Variants in LGALS3BP observed in about 807,000 individuals in gnomAD.
The protein encoded by LGALS3BP is galectin-3-binding protein.
A neutral mutation model predicts 22.9 loss-of-function variants in LGALS3BP; 25 were observed. That is an observed-to-expected ratio of 1.09 (90% CI 0.80 to 1.53). The LOEUF (loss-of-function observed/expected upper bound fraction) is 1.53. Ranked by LOEUF, LGALS3BP falls within the 40% of genes most tolerant of loss-of-function variation. The pLI is 0.00. For synonymous variants in LGALS3BP, 335 were observed against 331.1 expected (o/e 1.01, Z -0.13); for missense variants, 718 against 752.0 (o/e 0.95, Z 0.53).
chr17:78,977,383 G>T, intron 1 of LGALS3BP, 169 bp from the exon 2 acceptor site: 2 of 604,348 alleles, frequency 3.3e-6, no homozygotes, highest in Non-Finnish European at 5.8e-6. Context: ...TGCTGTGGAT[G>T]CCCCCGCGGG....
intron 2 of LGALS3BP, 106 bp downstream of exon 2, chr17:78,977,034 G>A (rs1248510946): frequency 3.4e-6 from 4 of 1,184,644 alleles, no homozygotes; most frequent in Non-Finnish European, 5.0e-6. Flanking sequence ...GCTAACCGCT[G>A]GGCCCCGGGC....
chr17:78,977,023 G>A (rs1199974687), intron 2 of LGALS3BP, 117 bp downstream of exon 2: 2 of 1,038,276 alleles, frequency 1.9e-6, no homozygotes, highest in South Asian at 1.3e-5. Flanking sequence ...GAGAAGATCT[G>A]GCTAACCGCT....
rs1282981832 is a variant in LGALS3BP at position 78,976,280 on chromosome 17, C to T, written c.53-124G>A. On this transcript the variant is annotated intron_variant, in intron 2 of 5. Transcript: ENST00000262776. The surrounding 1 kb of genome is among the most constrained non-coding windows in gnomAD (Gnocchi z 4.6). ...TTGTATTTCAGGGCTTCAAGGTCCC[C>T]TGGCCTCTCCATGAGGGGCACCTCC... 1.3e-5 allele frequency: 11 copies of T among 832,524 alleles called. No homozygotes were observed. The highest frequency in any genetic ancestry group is 2.0e-5 in the Non-Finnish European group (11 of 555,592). The allele number at this position is 832,524 out of a possible 1,614,324, so 51.6% of individuals were successfully genotyped here.
chr17:78,977,371 T>A, intron 1 of LGALS3BP, 157 bp from the exon 2 acceptor site: 1 of 624,716 alleles, frequency 1.6e-6, no homozygotes, highest in Non-Finnish European at 2.8e-6. Flanking sequence ...AAGTGTGACG[T>A]GTGCTGTGGA....
intron 1 of LGALS3BP, among the ~76,000 whole-genome samples, chr17:78,979,198 C>G (rs927726027): frequency 4.6e-5 from 7 of 152,120 alleles, no homozygotes; most frequent in African/African-American, 1.4e-4. Context: ...TCGTGCAAAT[C>G]AGAAAAAAAG....
Position 78,972,548 on chromosome 17 carries a change from G to A in LGALS3BP, c.786C>T (p.Asp262=). 6.2e-7 allele frequency: 1 copy of A among 1,606,380 alleles called. No homozygotes were observed. Among genetic ancestry groups the A allele is most frequent in the Non-Finnish European group, 8.5e-7 (1 of 1,174,532 alleles). ...CTGTGGCCACTGCATAGGCATACAGGTCCAGGGGCATCTGGAACGAGGGGT... is the reference window on the plus strand; with the variant it reads ...CTGTGGCCACTGCATAGGCATACAGATCCAGGGGCATCTGGAACGAGGGGT... ...PQDPSFQMPL[D]LYAYAVATGD... is the part of the protein sequence containing the mutation. Residue 262 remains aspartate, a synonymous_variant, in exon 6 of 6, where the codon GAC becomes GAT. Coordinates refer to ENST00000262776, the MANE Select transcript of LGALS3BP (RefSeq NM_005567.4). The surrounding 1 kb of genome is among the most constrained non-coding windows in gnomAD (Gnocchi z 5.1).
chr17:78,972,874 G>A lies in LGALS3BP; in HGVS notation c.629+96C>T, dbSNP rs2145822452. 1 of 1,479,676 alleles carries A rather than the reference G, an allele frequency of 6.8e-7. No individual in the cohort carries two copies. The highest frequency in any genetic ancestry group is 9.1e-7 in the Non-Finnish European group (1 of 1,097,724). The allele number at this position is 1,479,676 out of a possible 1,614,324, so 91.7% of individuals were successfully genotyped here. A position where few individuals can be genotyped will look rare whatever the true frequency, so the allele number is the denominator to read the frequency against. ...TGCGTGTGTACATGTGCATGCATGA[G>A]TATGTGCAGGTGTGTGTGTGGGGGG... On this transcript the variant is annotated intron_variant, in intron 5 of 5. Transcript: ENST00000262776. This position sits in a 1 kb window ranked among gnomAD's most constrained non-coding sequence, Gnocchi z 5.1.
intron 3 of LGALS3BP, 101 bp downstream of exon 3, chr17:78,975,864 G>A: frequency 2.2e-6 from 1 of 445,338 alleles, no homozygotes; most frequent in Non-Finnish European, 3.7e-6. Context: ...CAATTTGCAT[G>A]TCTTTGAAAC....
chr17:78,972,632 A>G lies in LGALS3BP; in HGVS notation c.702T>C (p.Tyr234=), dbSNP rs781545871. The change falls in exon 6 of 6, where the codon TAT becomes TAC. Residue 234 remains tyrosine, a synonymous_variant. Coordinates refer to ENST00000262776, the MANE Select transcript of LGALS3BP (RefSeq NM_005567.4). This position sits in a 1 kb window ranked among gnomAD's most constrained non-coding sequence, Gnocchi z 5.1. ...VKCFHKLASA[Y]GARQLQGYCA... ...AGTAGCCCTGCAGCTGCCTGGCCCCATAGGCAGAGGCCAGCTTGTGGAAGC... is the reference window on the plus strand; with the variant it reads ...AGTAGCCCTGCAGCTGCCTGGCCCCGTAGGCAGAGGCCAGCTTGTGGAAGC... 3 of 1,551,172 alleles carry G rather than the reference A, an allele frequency of 1.9e-6. No individual in the cohort carries two copies. Among genetic ancestry groups the G allele is most frequent in the Admixed American group, 3.9e-5 (2 of 51,762 alleles).
rs760782474 is a variant in LGALS3BP at position 78,971,546 on chromosome 17, C to A, written c.*30G>T. 3 of 1,591,316 alleles carry A rather than the reference C, an allele frequency of 1.9e-6. No individual in the cohort carries two copies. Among genetic ancestry groups the A allele is most frequent in the East Asian group, 2.2e-5 (1 of 44,532 alleles). ...TGCAGTGAGGGCGTCCTGGGGTTCT[C>A]CGGTTCTCACCACCCTTGGGCCACG... is the stretch of plus-strand genomic sequence containing the variant. On this transcript the variant is annotated 3_prime_UTR_variant, in exon 6 of 6. Transcript: ENST00000262776. This position sits in a 1 kb window ranked among gnomAD's most constrained non-coding sequence, Gnocchi z 5.6.
Position 78,971,603 on chromosome 17 carries a change from G to C in LGALS3BP, c.1731C>G (p.Tyr577Ter). Residue 577 changes from tyrosine to a stop codon, truncating the protein, a stop_gained, in exon 6 of 6, where the codon TAC becomes TAG. Coordinates refer to ENST00000262776, the MANE Select transcript of LGALS3BP (RefSeq NM_005567.4). LOFTEE classifies it high-confidence loss of function. The surrounding 1 kb of genome is among the most constrained non-coding windows in gnomAD (Gnocchi z 5.6). ...AGTCCACACCTGAGGAGTTGGTCAG[G>C]TAGAAGGGGCGGATGACCGTGCGGA... is the stretch of plus-strand genomic sequence containing the variant. ...NGFRTVIRPF[Y>*]LTNSSGVD The C allele has an allele frequency of 6.2e-7, 1 of 1,613,594 alleles. No homozygotes were observed. Among genetic ancestry groups the C allele is most frequent in the African/African-American group, 1.3e-5 (1 of 75,060 alleles).
intron 1 of LGALS3BP, 56 bp from the exon 2 acceptor site, chr17:78,977,270 C>T: frequency 6.9e-7 from 1 of 1,449,082 alleles, no homozygotes; most frequent in South Asian, 1.2e-5. Flanking sequence ...CCCGAGGCCC[C>T]AGGGACTGGC....
Position 78,972,201 on chromosome 17 carries a change from A to G in LGALS3BP, c.1133T>C (p.Leu378Pro), listed in dbSNP as rs1315282785. ...CACAGTGTGGAATTCCAGGGCCTGC[A>G]GAGTCTTCTTCTGGAACAGGGCCTC... The part of the protein sequence containing the change: ...SHEALFQKKT[L>P]QALEFHTVPF... The change falls in exon 6 of 6, where the codon CTG becomes CCG. Residue 378 changes from leucine to proline, a missense_variant. Leu to Pro is a moderately conservative substitution (Grantham distance 98). Coordinates refer to ENST00000262776, the MANE Select transcript of LGALS3BP (RefSeq NM_005567.4). This position sits in a 1 kb window ranked among gnomAD's most constrained non-coding sequence, Gnocchi z 5.1. 1 of 1,613,996 alleles carries G rather than the reference A, an allele frequency of 6.2e-7. No homozygotes were observed. Among genetic ancestry groups the G allele is most frequent in the Admixed American group, 1.7e-5 (1 of 60,024 alleles).
At position 78,972,134 on chromosome 17, in the gene LGALS3BP, G is replaced by A. The variant is rs142472232; in HGVS notation, c.1200C>T (p.Thr400=). The A allele has an allele frequency of 3.3e-5, 54 of 1,613,314 alleles. No homozygotes were observed. Among genetic ancestry groups the A allele is most frequent in the Non-Finnish European group, 4.1e-5 (48 of 1,179,548 alleles). Reference sequence around the variant, plus strand: ...AAATCCGGGGCTTGTAGGTATCCTCGGTGAGGTTCAGGCCTTTGTACCGGG... The same window carrying A: ...AAATCCGGGGCTTGTAGGTATCCTCAGTGAGGTTCAGGCCTTTGTACCGGG... ...LLARYKGLNL[T]EDTYKPRIYT... Residue 400 remains threonine (T), a synonymous_variant, in exon 6 of 6, where the codon ACC becomes ACT. Coordinates refer to ENST00000262776, the MANE Select transcript of LGALS3BP (RefSeq NM_005567.4). This position sits in a 1 kb window ranked among gnomAD's most constrained non-coding sequence, Gnocchi z 5.1.
intron 1 of LGALS3BP, 52 bp from the exon 2 acceptor site, chr17:78,977,266 GC>G: frequency 6.7e-7 from 1 of 1,492,528 alleles, no homozygotes; most frequent in Non-Finnish European, 9.2e-7. Flanking sequence ...ATGGCCCGAG[GC>G]CCCAGGGACT....
In LGALS3BP at chr17:78,971,785, C is replaced by T. The variant is rs2070673433; in HGVS notation, c.1549G>A (p.Ala517Thr). The T allele has an allele frequency of 1.2e-6, 2 of 1,614,066 alleles. No individual in the cohort carries two copies. The highest frequency in any genetic ancestry group is 1.7e-6 in the Non-Finnish European group (2 of 1,180,040). The change falls in exon 6 of 6, where the codon GCC becomes ACC. Residue 517 changes from alanine to threonine, a missense_variant. Transcript: ENST00000262776. The surrounding 1 kb of genome is among the most constrained non-coding windows in gnomAD (Gnocchi z 5.6). ...TKSGGSDRTI[A>T]YENKALMLCE... ...AGCATCAGGGCTTTGTTTTCGTAGGCAATGGTGCGATCTGAGCCGCCAGAC... is the reference window on the plus strand; with the variant it reads ...AGCATCAGGGCTTTGTTTTCGTAGGTAATGGTGCGATCTGAGCCGCCAGAC...
Position 78,974,598 on chromosome 17 carries a change from T to C in LGALS3BP, c.376+90A>G, listed in dbSNP as rs2070702344. The C allele has an allele frequency of 2.1e-6, 3 of 1,447,906 alleles. No homozygotes were observed. The African/African-American group carries it at 4.2e-5, about 20-fold the overall frequency. 89.7% of individuals were successfully genotyped at this position (1,447,906 alleles called of 1,614,324 possible). ...GTGGAAGGAACCTTTGTGTGCTTCA[T>C]GTGCGTGGGGGGGTGGTGCTGGGAG... On this transcript the variant is annotated intron_variant, in intron 4 of 5. Transcript: ENST00000262776.
Position 78,972,801 on chromosome 17 carries a change from T to G in LGALS3BP, c.630-97A>C. The stretch of plus-strand genomic sequence containing the variant: ...CACAGCCACCTGAGTGCACACAGTG[T>G]GGGAGTGAGCATGCGTGTGTGTGCA... On this transcript the variant is annotated intron_variant, in intron 5 of 5. Coordinates refer to ENST00000262776, the MANE Select transcript of LGALS3BP (RefSeq NM_005567.4). This position sits in a 1 kb window ranked among gnomAD's most constrained non-coding sequence, Gnocchi z 5.1. 6.8e-7 allele frequency: 1 copy of G among 1,462,502 alleles called. No homozygotes were observed. Among genetic ancestry groups the G allele is most frequent in the Non-Finnish European group, 9.2e-7 (1 of 1,092,060 alleles). The allele number at this position is 1,462,502 out of a possible 1,614,324, so 90.6% of individuals were successfully genotyped here.
chr17:78,977,530 A>C, intron 1 of LGALS3BP: 2 of 275,444 alleles, frequency 7.3e-6, no homozygotes, highest in East Asian at 8.4e-5. Flanking sequence ...CATCTCAAAA[A>C]ACCAGGCCCC....
Sources: allele counts gnomAD v4.1 joint callset (sites outside exome capture counted in the v4.1 genomes callset), GRCh38; gene constraint gnomAD v4.1.1; non-coding constraint Gnocchi (gnomAD v3.1); transcripts MANE v1.5; gene names NCBI Gene and HGNC (gene_info 2026-07-23, HGNC 2026-07-21).